The following PDE10A variants were observed in gnomAD, a reference collection of about 807,000 sequenced individuals.
PDE10A encodes cAMP and cAMP-inhibited cGMP 3',5'-cyclic phosphodiesterase 10A.
A neutral mutation model predicts 97.7 loss-of-function variants in PDE10A; 39 were observed. The ratio of observed to expected loss-of-function variants is 0.40; its 90% CI spans 0.31 to 0.52. The LOEUF (loss-of-function observed/expected upper bound fraction) is 0.52, where lower values mean the gene tolerates loss of function less well. Ranked by LOEUF, PDE10A falls within the 20% of genes least tolerant of loss-of-function variation. The pLI is 0.56. For synonymous variants in PDE10A, 371 were observed against 376.8 expected, an observed-to-expected ratio of 0.98 and a Z score of 0.18; for missense variants, 731 against 1,047.8, an observed-to-expected ratio of 0.70 and a Z score of 4.17.
intron 1 of PDE10A, among the ~76,000 whole-genome samples, chr6:165,605,235 T>C (rs1787151194): frequency 6.6e-6 from 1 of 152,092 alleles, no homozygotes; most frequent in East Asian, 1.9e-4. Context: ...CTTCCGTGTT[T>C]CCAGAACCCA....
intron 1 of PDE10A, among the ~76,000 whole-genome samples, chr6:165,942,337 C>T (rs1783553583): frequency 6.6e-6 from 1 of 151,970 alleles, no homozygotes; most frequent in Admixed American, 6.6e-5. Context: ...CACACACACC[C>T]CTTCACAAAA....
chr6:165,974,459 G>A (rs1343605813), intron 1 of PDE10A, among the ~76,000 whole-genome samples: 1 of 152,202 alleles, frequency 6.6e-6, no homozygotes, highest in African/African-American at 2.4e-5. Context: ...GGATGGCCAT[G>A]CTTCCTGGAG....
At chr6:165,495,339 G>C (rs543525641) in intron 2 of PDE10A, among the ~76,000 whole-genome samples, 1 of 151,986 alleles carries the variant, frequency 6.6e-6, no homozygotes, top group African/African-American at 2.4e-5. Flanking sequence ...GAGAAGGAGA[G>C]GGGGTGGAGG....
At chr6:165,573,586 T>C (rs773761258) in intron 1 of PDE10A, among the ~76,000 whole-genome samples, 30 of 152,114 alleles carry the variant, frequency 2.0e-4, no homozygotes, top group African/African-American at 7.0e-4. Context: ...CCACACTTAC[T>C]TTTTCACCAA....
intron 1 of PDE10A, among the ~76,000 whole-genome samples, chr6:165,579,170 T>C (rs1373747766): frequency 1.3e-5 from 2 of 152,228 alleles, no homozygotes; most frequent in African/African-American, 4.8e-5. Flanking sequence ...TTAAGGATAC[T>C]GTATGCCATG....
chr6:165,969,618 A>T (rs1003623396), intron 1 of PDE10A, among the ~76,000 whole-genome samples: 4 of 152,092 alleles, frequency 2.6e-5, no homozygotes, highest in African/African-American at 9.7e-5. Context: ...TTTTGCACCA[A>T]CCTAATAGAT....
In PDE10A at chr6:165,391,303, A is replaced by G. The variant is rs145533111; in HGVS notation, c.2454+1343T>C. Among the ~76,000 whole-genome samples, 328 of 152,352 alleles carry G rather than the reference A, an allele frequency of 2.2e-3. 3 individuals are homozygous for G. Among genetic ancestry groups the G allele is most frequent in the African/African-American group, 7.7e-3 (319 of 41,574 alleles). On this transcript the variant is annotated intron_variant, in intron 16 of 21. Transcript: ENST00000539869. ...TGATGTTTTGGGAAAATGTAATGAT[A>G]TAATTCCAAAAATGAATTAGGAACT...
At chr6:165,848,890 G>T (rs1018386718) in intron 1 of PDE10A, among the ~76,000 whole-genome samples, 2 of 152,170 alleles carry the variant, frequency 1.3e-5, no homozygotes, top group African/African-American at 4.8e-5. Flanking sequence ...TCTGTGATGT[G>T]AGGAATTCTC....
chr6:165,583,386 C>T (rs931994647), intron 1 of PDE10A, among the ~76,000 whole-genome samples: 3 of 152,226 alleles, frequency 2.0e-5, no homozygotes, highest in African/African-American at 7.2e-5. Flanking sequence ...CCAAAAATCA[C>T]TTCCCAAAAG....
At chr6:165,394,063 A>T (rs1418256415) in intron 15 of PDE10A, among the ~76,000 whole-genome samples, 1 of 33,322 alleles carries the variant, frequency 3.0e-5, no homozygotes, top group African/African-American at 9.8e-5. Flanking sequence ...CTAAACATTT[A>T]TTATTATTAT....
intron 1 of PDE10A, among the ~76,000 whole-genome samples, chr6:165,605,796 T>C (rs990775569): frequency 2.0e-5 from 3 of 152,144 alleles, no homozygotes; most frequent in East Asian, 1.9e-4. Context: ...ATTTTTGGAA[T>C]AGAAGTCAGA....
At chr6:165,692,113 C>A (rs569307871) in intron 1 of PDE10A, among the ~76,000 whole-genome samples, 60 of 152,152 alleles carry the variant, frequency 3.9e-4, no homozygotes, top group Non-Finnish European at 5.7e-4. Flanking sequence ...CAAATATAGA[C>A]CTGGTTCCTG....
intron 1 of PDE10A, among the ~76,000 whole-genome samples, chr6:165,564,663 A>G (rs1370169553): frequency 1.3e-5 from 2 of 152,182 alleles, no homozygotes; most frequent in Admixed American, 1.3e-4. Context: ...CATTTTATAC[A>G]ATGCCTCTCC....
chr6:165,452,919 G>T (rs1777722506), intron 3 of PDE10A, among the ~76,000 whole-genome samples: 1 of 151,008 alleles, frequency 6.6e-6, no homozygotes, highest in Admixed American at 6.6e-5. Flanking sequence ...AAAAACAGCT[G>T]TAGGAAGGGC....
At chr6:165,551,756 C>T (rs573822171) in intron 1 of PDE10A, among the ~76,000 whole-genome samples, 4 of 152,144 alleles carry the variant, frequency 2.6e-5, no homozygotes, top group African/African-American at 7.2e-5. Flanking sequence ...AAAATTTACA[C>T]GTTTTTACCT....
At chr6:165,360,130 G>C (rs918445540) in intron 18 of PDE10A, among the ~76,000 whole-genome samples, 7 of 152,172 alleles carry the variant, frequency 4.6e-5, no homozygotes, top group Admixed American at 6.5e-5. Flanking sequence ...CCTGTGGTGT[G>C]GACAAGCTCT....
At chr6:165,889,727 T>C (rs1158427546) in intron 1 of PDE10A, among the ~76,000 whole-genome samples, 2 of 152,054 alleles carry the variant, frequency 1.3e-5, no homozygotes, top group Admixed American at 1.3e-4. Context: ...ACTCGGAAAC[T>C]ATGGACCCTC....
chr6:165,663,221 C>T lies in PDE10A; in HGVS notation c.-410G>A, dbSNP rs1445377341. Among the ~76,000 whole-genome samples the T allele has an allele frequency of 6.6e-6, 1 of 151,396 alleles. No homozygotes were observed. The highest frequency in any genetic ancestry group is 6.6e-5 in the Admixed American group (1 of 15,204). On this transcript the variant is annotated 5_prime_UTR_variant, in exon 1 of 22. Transcript: ENST00000539869. ...CTGCCCGTGGAGGCGGTGGTGGCGG[C>T]GGCGGCAGAAGACGCCCACTGGCGG...
intron 1 of PDE10A, among the ~76,000 whole-genome samples, chr6:165,627,992 C>T (rs1472433544): frequency 6.6e-6 from 1 of 152,200 alleles, no homozygotes; most frequent in South Asian, 2.1e-4. Context: ...CACCTTGGGG[C>T]TTACCTGGAA....
Sources: allele counts gnomAD v4.1 joint callset (sites outside exome capture counted in the v4.1 genomes callset), GRCh38; gene constraint gnomAD v4.1.1; transcripts MANE v1.5; gene names NCBI Gene and HGNC (gene_info 2026-07-23, HGNC 2026-07-21).